The following FRMPD3 variants were observed in gnomAD, a reference collection of about 807,000 sequenced individuals.
FRMPD3 encodes FERM and PDZ domain-containing protein 3.
FRMPD3 carries 42 observed loss-of-function variants against 97.9 expected under a neutral mutation model. The observed-to-expected ratio is 0.43, with a 90% CI of 0.34 to 0.55. FRMPD3 has a LOEUF of 0.55. Ranked by LOEUF, FRMPD3 falls within the 20% of genes least tolerant of loss-of-function variation. The pLI is 0.03. For synonymous variants in FRMPD3, 577 were observed against 581.1 expected, an observed-to-expected ratio of 0.99 and a Z score of 0.10; for missense variants, 1,303 against 1,457.7, an observed-to-expected ratio of 0.89 and a Z score of 1.73.
chrX:107,487,026 C>T (rs1327065959), intron 1 of FRMPD3, among the ~76,000 whole-genome samples: 1 of 107,404 alleles, frequency 9.3e-6, no homozygotes, highest in Non-Finnish European at 1.9e-5. Context: ...GGGCGGATCA[C>T]CTGAGGTCAG....
chrX:107,563,432 G>A (rs143400293), intron 11 of FRMPD3, among the ~76,000 whole-genome samples: 1,257 of 111,930 alleles, frequency 0.011, 18 homozygotes, highest in African/African-American at 0.038. Context: ...ATTTGGGGGC[G>A]CAGCATACTT....
At chrX:107,596,849 A>G (rs1016293770) in intron 13 of FRMPD3, among the ~76,000 whole-genome samples, 1 of 112,236 alleles carries the variant, frequency 8.9e-6, no homozygotes, top group Non-Finnish European at 1.9e-5. Flanking sequence ...AACTTGTCAG[A>G]TTTATTTCCT....
intron 8 of FRMPD3, among the ~76,000 whole-genome samples, chrX:107,559,418 G>A (rs1446425488): frequency 8.9e-6 from 1 of 112,071 alleles, no homozygotes; most frequent in East Asian, 2.8e-4. Flanking sequence ...TGGGGGTCCT[G>A]GAAGAAATCC....
intron 1 of FRMPD3, among the ~76,000 whole-genome samples, chrX:107,469,039 G>T (rs1224612084): frequency 8.9e-6 from 1 of 112,287 alleles, no homozygotes; most frequent in Non-Finnish European, 1.9e-5. Context: ...GCTACAGGTA[G>T]AAGTTATGTG....
At chrX:107,473,868 G>A (rs1390040407) in intron 1 of FRMPD3, among the ~76,000 whole-genome samples, 1 of 112,220 alleles carries the variant, frequency 8.9e-6, no homozygotes, top group Non-Finnish European at 1.9e-5. Flanking sequence ...TGGATCACCT[G>A]AGGTCAGGAG....
chrX:107,492,949 A>G (rs1404085748), intron 1 of FRMPD3, among the ~76,000 whole-genome samples: 1 of 110,446 alleles, frequency 9.1e-6, no homozygotes, highest in Non-Finnish European at 1.9e-5. Context: ...AGACCAAGGC[A>G]GGAGGATGGC....
intron 1 of FRMPD3, among the ~76,000 whole-genome samples, chrX:107,472,996 G>A (rs751590836): frequency 3.6e-4 from 41 of 112,426 alleles, no homozygotes; most frequent in African/African-American, 1.3e-3. Context: ...CCCAAAAGGG[G>A]CAGGTCTCTC....
intron 4 of FRMPD3, among the ~76,000 whole-genome samples, chrX:107,538,155 A>C (rs1299346876): frequency 8.9e-6 from 1 of 111,912 alleles, no homozygotes; most frequent in African/African-American, 3.3e-5. Flanking sequence ...TGTAAAATAA[A>C]GAACATAGAA....
At chrX:107,484,608 G>T (rs1921457196) in intron 1 of FRMPD3, among the ~76,000 whole-genome samples, 1 of 112,218 alleles carries the variant, frequency 8.9e-6, no homozygotes, top group Admixed American at 9.4e-5. Context: ...TGGGGCTAGG[G>T]GGAGGGGAGC....
At chrX:107,504,254 G>A (rs1299784212) in intron 1 of FRMPD3, among the ~76,000 whole-genome samples, 1 of 112,920 alleles carries the variant, frequency 8.9e-6, no homozygotes, top group Non-Finnish European at 1.9e-5. Context: ...GGTGCTTTCT[G>A]TTGCTCCCTC....
intron 2 of FRMPD3, among the ~76,000 whole-genome samples, chrX:107,527,837 AAC>A (rs1057191468): frequency 2.7e-5 from 3 of 111,239 alleles, no homozygotes; most frequent in Admixed American, 1.9e-4. Flanking sequence ...GAGGAAAAAA[AAC>A]ACACACACAC....
chrX:107,501,843 G>T (rs1921919131), intron 1 of FRMPD3, among the ~76,000 whole-genome samples: 1 of 109,106 alleles, frequency 9.2e-6, no homozygotes, highest in Non-Finnish European at 1.9e-5. Context: ...ATGCAAAAAA[G>T]CCTTCTCACC....
chrX:107,453,080 G>A (rs1332125464), intron 1 of FRMPD3, among the ~76,000 whole-genome samples: 1 of 111,611 alleles, frequency 9.0e-6, no homozygotes, highest in East Asian at 2.8e-4. Context: ...ATTGGACTCC[G>A]TGGCTAATGC....
At chrX:107,526,552 T>C (rs1313811803) in intron 1 of FRMPD3, 30 bp from the exon 2 acceptor site, 1 of 1,167,673 alleles carries the variant, frequency 8.6e-7, no homozygotes, top group African/African-American at 1.8e-5. Context: ...CTGTGCATCT[T>C]GTTTTGCTCC....
intron 3 of FRMPD3, among the ~76,000 whole-genome samples, chrX:107,531,019 G>A (rs1360797902): frequency 9.1e-6 from 1 of 110,460 alleles, no homozygotes; most frequent in African/African-American, 3.3e-5. Context: ...GCAGATGGGA[G>A]CAGATGACAA....
At chrX:107,544,045 A>G (rs1485376714) in intron 4 of FRMPD3, among the ~76,000 whole-genome samples, 2 of 111,419 alleles carry the variant, frequency 1.8e-5, no homozygotes, top group African/African-American at 6.5e-5. Context: ...TTCAGTCTTT[A>G]AGAAGAAGTA....
intron 1 of FRMPD3, among the ~76,000 whole-genome samples, chrX:107,509,319 G>A (rs1048947891): frequency 8.9e-6 from 1 of 112,157 alleles, no homozygotes; most frequent in Non-Finnish European, 1.9e-5. Flanking sequence ...CAATGCATCT[G>A]CTGGTGGTCC....
chrX:107,527,206 A>T (rs1207586925), intron 2 of FRMPD3, among the ~76,000 whole-genome samples: 1 of 112,094 alleles, frequency 8.9e-6, no homozygotes, highest in African/African-American at 3.2e-5. Flanking sequence ...GCCATTGAAG[A>T]CCAGAATCAA....
chrX:107,591,763 T>C (rs183009720), intron 13 of FRMPD3, among the ~76,000 whole-genome samples: 24 of 111,531 alleles, frequency 2.2e-4, no homozygotes, highest in African/African-American at 7.2e-4. Context: ...GTTTTGTTTT[T>C]AATTTTTGTG....
Sources: allele counts gnomAD v4.1 joint callset (sites outside exome capture counted in the v4.1 genomes callset), GRCh38; gene constraint gnomAD v4.1.1; transcripts MANE v1.5; gene names NCBI Gene and HGNC (gene_info 2026-07-23, HGNC 2026-07-21).